SLC14A2: variants seen among roughly 807,000 people sequenced by gnomAD.
The protein encoded by SLC14A2 is solute carrier family 14 member 2, also known as urea transporter 2.
Under a neutral mutation model 104.6 loss-of-function variants are expected in SLC14A2, and 91 were observed. The observed-to-expected ratio is 0.87, with a 90% CI of 0.73 to 1.04. SLC14A2 has a LOEUF of 1.04. SLC14A2 is among the 50% of genes least tolerant of loss of function. The pLI, the probability that SLC14A2 is intolerant of heterozygous loss-of-function variation, is 0.00. For synonymous variants in SLC14A2, 476 were observed against 466.4 expected (o/e 1.02, Z -0.27); for missense variants, 1,189 against 1,156.0 (o/e 1.03, Z -0.41).
chr18:45,653,470 T>C (rs2045775091), intron 10 of SLC14A2, among the ~76,000 whole-genome samples: 1 of 152,026 alleles, frequency 6.6e-6, no homozygotes, highest in African/African-American at 2.4e-5. Flanking sequence ...ACTGAGTGTG[T>C]GTATGTGAAA....
At chr18:45,491,029 C>A (rs1216840677) in intron 2 of SLC14A2, among the ~76,000 whole-genome samples, 1 of 152,168 alleles carries the variant, frequency 6.6e-6, no homozygotes, top group Non-Finnish European at 1.5e-5. Context: ...GTTTTTATCT[C>A]TTTAGAGGGC....
chr18:45,621,315 C>T (rs1430055038), intron 1 of SLC14A2, among the ~76,000 whole-genome samples: 2 of 152,160 alleles, frequency 1.3e-5, no homozygotes, highest in African/African-American at 2.4e-5. Flanking sequence ...GCCTCCATTC[C>T]GGAGTTATGG....
chr18:45,573,952 C>A (rs117863469), intron 2 of SLC14A2, among the ~76,000 whole-genome samples: 2,377 of 152,274 alleles, frequency 0.016, 27 homozygotes, highest in Middle Eastern at 0.037. Context: ...GAGATCAAGG[C>A]AAACTGGATT....
the SLC14A2 span, among the ~76,000 whole-genome samples, chr18:45,195,784 A>C: frequency 2.0e-5 from 3 of 151,888 alleles, no homozygotes; most frequent in Admixed American, 2.0e-4. Flanking sequence ...CATCTCTTAA[A>C]ATATAATAGA....
At chr18:45,439,238 C>A (rs2086644872) in intron 1 of SLC14A2, among the ~76,000 whole-genome samples, 1 of 152,078 alleles carries the variant, frequency 6.6e-6, no homozygotes, top group Non-Finnish European at 1.5e-5. Flanking sequence ...ATGGAGGCAC[C>A]ACTGTACTCC....
At chr18:45,378,673 G>A (rs984355886) in intron 1 of SLC14A2, among the ~76,000 whole-genome samples, 3 of 152,234 alleles carry the variant, frequency 2.0e-5, no homozygotes, top group Admixed American at 2.0e-4. Flanking sequence ...GGAACTCTAT[G>A]AGAGGAGGGG....
chr18:45,274,331 C>A (rs1157907940), intron 1 of SLC14A2, among the ~76,000 whole-genome samples: 1 of 152,122 alleles, frequency 6.6e-6, no homozygotes, highest in Admixed American at 6.5e-5. Context: ...GCTTAAATAG[C>A]AAAATCTAAA....
intron 1 of SLC14A2, among the ~76,000 whole-genome samples, chr18:45,357,932 G>A (rs1228042583): frequency 6.6e-6 from 1 of 152,238 alleles, no homozygotes; most frequent in East Asian, 1.9e-4. Context: ...GACAAAGTTA[G>A]TGAATCAGCA....
rs60977948 is a variant in SLC14A2, at chr18:45,542,035, G to GTTTT, written c.-35+58747_-35+58750dup. ...GGGCTTGTTAGATGAAAGAGAGAGG[G>GTTTT]TTTTTTTTTTTTTTTTTTTTTTTTT... On this transcript the variant is annotated intron_variant, in intron 2 of 20. Transcript: ENST00000586448. 6.5e-4 allele frequency among the ~76,000 whole-genome samples: 35 copies of GTTTT among 54,224 alleles called. 2 individuals are homozygous for GTTTT. The highest frequency in any genetic ancestry group is 9.6e-4 in the Non-Finnish European group (26 of 27,012). 35.6% of individuals were successfully genotyped at this position (54,224 alleles called of 152,430 possible).
At chr18:45,465,130 A>G (rs1013165842) in intron 1 of SLC14A2, among the ~76,000 whole-genome samples, 1 of 152,220 alleles carries the variant, frequency 6.6e-6, no homozygotes, top group African/African-American at 2.4e-5. Context: ...GAAAAAACAC[A>G]TACAGAGTGA....
chr18:45,551,480 A>G (rs2144283520), intron 2 of SLC14A2, among the ~76,000 whole-genome samples: 1 of 152,268 alleles, frequency 6.6e-6, no homozygotes, highest in East Asian at 1.9e-4. Flanking sequence ...ACAGAACTCA[A>G]CCCATTTGGG....
chr18:45,257,769 G>A (rs1336704311), intron 1 of SLC14A2, among the ~76,000 whole-genome samples: 1 of 152,168 alleles, frequency 6.6e-6, no homozygotes, highest in Non-Finnish European at 1.5e-5. Flanking sequence ...CCATAGTCAA[G>A]TATGTTTATA....
At chr18:45,441,954 AC>A (rs770535633) in intron 1 of SLC14A2, among the ~76,000 whole-genome samples, 1 of 151,996 alleles carries the variant, frequency 6.6e-6, no homozygotes, top group Non-Finnish European at 1.5e-5. Context: ...TAGACAACAG[AC>A]CCCGGAGTGC....
intron 2 of SLC14A2, among the ~76,000 whole-genome samples, chr18:45,606,421 T>A (rs1599056477): frequency 6.6e-6 from 1 of 151,840 alleles, no homozygotes; most frequent in African/African-American, 2.4e-5. Flanking sequence ...TAGAGGTGGG[T>A]CGGAAATTAC....
chr18:45,408,624 T>C (rs1395080579), intron 1 of SLC14A2, among the ~76,000 whole-genome samples: 1 of 152,176 alleles, frequency 6.6e-6, no homozygotes, highest in African/African-American at 2.4e-5. Flanking sequence ...TAAATGTGGA[T>C]TAATGAGGCC....
At chr18:45,473,278 A>G (rs1350609833) in intron 1 of SLC14A2, among the ~76,000 whole-genome samples, 4 of 152,186 alleles carry the variant, frequency 2.6e-5, no homozygotes, top group African/African-American at 9.7e-5. Context: ...TGGTTACTGT[A>G]GCGTTGTAGT....
intron 1 of SLC14A2, among the ~76,000 whole-genome samples, chr18:45,234,852 T>A (rs2084209642): frequency 6.6e-6 from 1 of 152,160 alleles, no homozygotes; most frequent in East Asian, 1.9e-4. Flanking sequence ...TTTTTTTTTC[T>A]TTTCAAAATA....
chr18:45,390,122 A>C (rs952335227), intron 1 of SLC14A2, among the ~76,000 whole-genome samples: 2 of 152,192 alleles, frequency 1.3e-5, no homozygotes, highest in African/African-American at 4.8e-5. Flanking sequence ...GAACATAGGG[A>C]ATGCTTATTC....
intron 1 of SLC14A2, among the ~76,000 whole-genome samples, chr18:45,247,327 T>A (rs1367226522): frequency 1.3e-5 from 2 of 152,234 alleles, no homozygotes; most frequent in African/African-American, 4.8e-5. Context: ...TAAAAAGTTA[T>A]ATAAGTTTGC....
Sources: allele counts gnomAD v4.1 joint callset (sites outside exome capture counted in the v4.1 genomes callset), GRCh38; gene constraint gnomAD v4.1.1; transcripts MANE v1.5; gene names NCBI Gene and HGNC (gene_info 2026-07-23, HGNC 2026-07-21).